Variants in ADGRL2 observed in about 807,000 individuals in gnomAD.
The protein encoded by ADGRL2 is adhesion G protein-coupled receptor L2, also known as calcium-independent alpha-latrotoxin receptor 2.
Under a neutral mutation model 157.4 loss-of-function variants are expected in ADGRL2, and 44 were observed. The observed-to-expected ratio is 0.28, with a 90% CI of 0.22 to 0.36. The LOEUF (loss-of-function observed/expected upper bound fraction) is 0.36, where lower values mean the gene tolerates loss of function less well. ADGRL2 is among the 10% of genes least tolerant of loss of function. The pLI is 1.00. For missense variants in ADGRL2, 1,510 were observed against 1,768.9 expected (o/e 0.85, Z 2.63); for synonymous variants, 585 against 624.7 (o/e 0.94, Z 0.95).
rs768266678 is a variant in ADGRL2, at chr1:81,969,403, G to C, written c.2733+16G>C. ...AAAATATGCGGTAAGCACCAGTTGA[G>C]TTCATTGACCTTAGATCTCTGAAAA... On this transcript the variant is annotated intron_variant, in intron 15 of 23. Transcript: ENST00000686636. The C allele has an allele frequency of 6.4e-7, 1 of 1,563,152 alleles. No individual in the cohort carries two copies. Among genetic ancestry groups the C allele is most frequent in the Non-Finnish European group, 8.8e-7 (1 of 1,134,392 alleles).
intron 15 of ADGRL2, 150 bp from the exon 16 acceptor site, chr1:81,970,164 A>C (rs1290195590): frequency 1.6e-6 from 1 of 630,386 alleles, no homozygotes; most frequent in Non-Finnish European, 2.7e-6. Flanking sequence ...TCCAGTTACG[A>C]AAAAAATATT....
intron 1 of ADGRL2, among the ~76,000 whole-genome samples, chr1:81,361,296 T>C (rs759534086): frequency 1.3e-5 from 2 of 151,988 alleles, no homozygotes; most frequent in Non-Finnish European, 2.9e-5. Flanking sequence ...TGGGATATTC[T>C]AATGTGCTTT....
chr1:81,628,655 G>C (rs2081955215), intron 3 of ADGRL2, among the ~76,000 whole-genome samples: 1 of 152,126 alleles, frequency 6.6e-6, no homozygotes, highest in African/African-American at 2.4e-5. Flanking sequence ...ATGCTGAAGA[G>C]AATGCTTTCT....
chr1:81,875,001 C>G (rs1477528461), intron 2 of ADGRL2, among the ~76,000 whole-genome samples: 1 of 152,144 alleles, frequency 6.6e-6, no homozygotes, highest in Non-Finnish European at 1.5e-5. Flanking sequence ...GCCATCGAAC[C>G]TGACCTTCTT....
chr1:81,482,722 T>C (rs1441838376), intron 2 of ADGRL2, among the ~76,000 whole-genome samples: 1 of 152,074 alleles, frequency 6.6e-6, no homozygotes, highest in East Asian at 1.9e-4. Flanking sequence ...GGGTTCCATT[T>C]GTAAATGTAA....
At chr1:81,637,550 A>G (rs1417979606) in intron 3 of ADGRL2, among the ~76,000 whole-genome samples, 1 of 152,194 alleles carries the variant, frequency 6.6e-6, no homozygotes, top group African/African-American at 2.4e-5. Flanking sequence ...CTCAAAAATA[A>G]CGAATGTATC....
intron 3 of ADGRL2, among the ~76,000 whole-genome samples, chr1:81,591,617 G>T (rs1335061621): frequency 6.6e-6 from 1 of 152,112 alleles, no homozygotes; most frequent in Non-Finnish European, 1.5e-5. Flanking sequence ...TTAAATATGG[G>T]CTGGCTTTGT....
intron 2 of ADGRL2, among the ~76,000 whole-genome samples, chr1:81,497,713 A>G (rs1156816273): frequency 6.6e-6 from 1 of 152,234 alleles, no homozygotes; most frequent in Non-Finnish European, 1.5e-5. Flanking sequence ...TAGATACTTC[A>G]TATAAGAAAT....
chr1:81,740,497 C>A (rs566235891), intron 1 of ADGRL2, among the ~76,000 whole-genome samples: 1 of 152,300 alleles, frequency 6.6e-6, no homozygotes, highest in South Asian at 2.1e-4. Flanking sequence ...AACTTGGCAA[C>A]ATTTTTGTGA....
At chr1:81,595,510 C>T (rs190646088) in intron 3 of ADGRL2, among the ~76,000 whole-genome samples, 1 of 152,254 alleles carries the variant, frequency 6.6e-6, no homozygotes, top group Non-Finnish European at 1.5e-5. Context: ...TTAACAATTA[C>T]CAAAGATCGT....
intron 3 of ADGRL2, among the ~76,000 whole-genome samples, chr1:81,929,466 CT>C (rs2095179973): frequency 6.6e-6 from 1 of 152,168 alleles, no homozygotes; most frequent in Admixed American, 6.5e-5. Flanking sequence ...CTAATGTTAT[CT>C]TGCCAAAACA....
intron 2 of ADGRL2, among the ~76,000 whole-genome samples, chr1:81,466,349 AT>A (rs902163490): frequency 2.0e-5 from 3 of 152,148 alleles, no homozygotes; most frequent in Non-Finnish European, 4.4e-5. Context: ...GGTTAAATAA[AT>A]TCGGTTTCGT....
chr1:81,517,893 C>T (rs371977245), intron 2 of ADGRL2, among the ~76,000 whole-genome samples: 11 of 152,232 alleles, frequency 7.2e-5, no homozygotes, highest in Admixed American at 7.2e-4. Context: ...TTCTCACCCA[C>T]CAGTTTCTGA....
At chr1:81,635,418 A>G (rs879843015) in intron 3 of ADGRL2, among the ~76,000 whole-genome samples, 10 of 152,214 alleles carry the variant, frequency 6.6e-5, no homozygotes, top group Admixed American at 2.6e-4. Context: ...TTTGCATGTC[A>G]TCTTATCAGT....
intron 4 of ADGRL2, 104 bp from the exon 5 acceptor site, chr1:81,941,930 A>C: frequency 1.7e-6 from 1 of 599,344 alleles, no homozygotes; most frequent in African/African-American, 1.9e-5. Flanking sequence ...TATATTTAGC[A>C]TCTGTTACGA....
At chr1:81,779,006 C>T (rs924095054) in intron 2 of ADGRL2, among the ~76,000 whole-genome samples, 1 of 152,034 alleles carries the variant, frequency 6.6e-6, no homozygotes, top group Non-Finnish European at 1.5e-5. Flanking sequence ...CTTATTTATC[C>T]TCAGTAAATG....
At chr1:81,783,208 C>T (rs2086889564) in intron 2 of ADGRL2, among the ~76,000 whole-genome samples, 1 of 152,182 alleles carries the variant, frequency 6.6e-6, no homozygotes, top group Non-Finnish European at 1.5e-5. Flanking sequence ...ATTGCAACCT[C>T]CACCTCCCCG....
At chr1:81,359,397 C>T (rs578014437) in intron 1 of ADGRL2, among the ~76,000 whole-genome samples, 95 of 152,106 alleles carry the variant, frequency 6.2e-4, no homozygotes, top group African/African-American at 2.1e-3. Flanking sequence ...GGGTACCTAT[C>T]GTCTTCAATA....
intron 2 of ADGRL2, among the ~76,000 whole-genome samples, chr1:81,905,737 A>T: frequency 6.6e-6 from 1 of 152,224 alleles, no homozygotes; most frequent in East Asian, 1.9e-4. Context: ...TTGTAATTGC[A>T]AATTGCCTCT....
Sources: gnomAD v4.1 joint callset for allele counts (sites outside exome capture counted in the v4.1 genomes callset) on GRCh38, gnomAD v4.1.1 for gene constraint, MANE v1.5 for transcripts, NCBI Gene and HGNC (gene_info 2026-07-23, HGNC 2026-07-21) for gene names.